Variants in KCNQ2 observed in about 807,000 individuals in gnomAD.
KCNQ2 encodes the protein potassium voltage-gated channel subfamily KQT member 2.
Under a neutral mutation model 84.8 loss-of-function variants are expected in KCNQ2, and 14 were observed. That is an observed-to-expected ratio of 0.17 (90% CI 0.11 to 0.26). The LOEUF (loss-of-function observed/expected upper bound fraction) is 0.26. Among genes scored for constraint, KCNQ2 ranks in the 10% least tolerant of loss-of-function variants. The probability of loss-of-function intolerance (pLI) is 1.00; values close to 1 mark genes in which losing one functional copy is unlikely to be tolerated. For synonymous variants in KCNQ2, 599 were observed against 554.1 expected (o/e 1.08, Z -1.14); for missense variants, 788 against 1,254.0 (o/e 0.63, Z 5.61).
chr20:63,400,821 G>A lies in KCNQ2; in HGVS notation c.*5823C>T. On this transcript the variant is annotated 3_prime_UTR_variant, in exon 17 of 17. Coordinates refer to ENST00000359125, the MANE Select transcript of KCNQ2 (RefSeq NM_172107.4). This position sits in a 1 kb window ranked among gnomAD's most constrained non-coding sequence, Gnocchi z 8.7. ...CCCTCCGTGAGACCCCTCCTGCCCT[G>A]CGCGTGTCTCTGGAGCCCGTCCCTT... The A allele has an allele frequency of 5.0e-6, 2 of 398,336 alleles. No individual in the cohort carries two copies. Among genetic ancestry groups the A allele is most frequent in the East Asian group, 3.6e-5 (1 of 28,086 alleles). The allele number at this position is 398,336 out of a possible 1,614,324, so 24.7% of individuals were successfully genotyped here.
At position 63,460,517 on chromosome 20, in the gene KCNQ2, C is replaced by T. The variant is rs868045468; in HGVS notation, c.296+11651G>A. ...AGCAGGCCAGTGCCCTCAGCTGGTC[C>T]ACGGCTCACAGCTCCAGTCCCTGGC... On this transcript the variant is annotated intron_variant, in intron 1 of 16. Transcript: ENST00000359125. The surrounding 1 kb of genome is among the most constrained non-coding windows in gnomAD (Gnocchi z 5.4). 6.6e-6 allele frequency among the ~76,000 whole-genome samples: 1 copy of T among 151,960 alleles called. No individual in the cohort carries two copies. Among genetic ancestry groups the T allele is most frequent in the African/African-American group, 2.4e-5 (1 of 41,354 alleles).
At chr20:63,454,762 T>A (rs907249900) in intron 1 of KCNQ2, among the ~76,000 whole-genome samples, 2 of 151,990 alleles carry the variant, frequency 1.3e-5, no homozygotes, top group African/African-American at 4.8e-5. Context: ...CCTGATGGCA[T>A]CCCCCAGGCC....
At position 63,409,312 on chromosome 20, in the gene KCNQ2, C is replaced by T. The variant is rs368273722; in HGVS notation, c.1764-776G>A. Among the ~76,000 whole-genome samples, 14 of 152,318 alleles carry T rather than the reference C, an allele frequency of 9.2e-5. No homozygotes were observed. The South Asian group carries it at 2.5e-3, about 27-fold the overall frequency. ...ATGTGTGCAAGAGTGTGCACGTTTG[C>T]GTGTGTGCATGTGTGTGTGTAGGAT... is the stretch of plus-strand genomic sequence containing the variant. On this transcript the variant is annotated intron_variant, in intron 15 of 16. Transcript: ENST00000359125.
At chr20:63,439,300 T>C (rs1350996507) in intron 6 of KCNQ2, among the ~76,000 whole-genome samples, 1 of 152,192 alleles carries the variant, frequency 6.6e-6, no homozygotes, top group African/African-American at 2.4e-5. Context: ...CACAAGGACC[T>C]CCTGCTCAGC....
At chr20:63,437,039 A>G (rs919840150) in intron 7 of KCNQ2, among the ~76,000 whole-genome samples, 6 of 152,208 alleles carry the variant, frequency 3.9e-5, no homozygotes, top group African/African-American at 1.4e-4. Flanking sequence ...TCAGCCTCCT[A>G]AAGTGCTGGG....
At chr20:63,422,082 C>T (rs968685117) in intron 11 of KCNQ2, among the ~76,000 whole-genome samples, 1 of 152,144 alleles carries the variant, frequency 6.6e-6, no homozygotes, top group Non-Finnish European at 1.5e-5. Context: ...GGGGTCCTGC[C>T]ATGCGGGGTG....
rs551075693 is a variant in KCNQ2 at position 63,400,890 on chromosome 20, C to T, written c.*5754G>A. On this transcript the variant is annotated 3_prime_UTR_variant, in exon 17 of 17. Coordinates refer to ENST00000359125, the MANE Select transcript of KCNQ2 (RefSeq NM_172107.4). The surrounding 1 kb of genome is among the most constrained non-coding windows in gnomAD (Gnocchi z 8.7). ...ACCTGTTCGCAGGGTCCAGGGCGTCCGTACCTGGCACAGCCAGGGGGCATG... is the reference window on the plus strand; with the variant it reads ...ACCTGTTCGCAGGGTCCAGGGCGTCTGTACCTGGCACAGCCAGGGGGCATG... 4 of 398,298 alleles carry T rather than the reference C, an allele frequency of 1.0e-5. No individual in the cohort carries two copies. Among genetic ancestry groups the T allele is most frequent in the Admixed American group, 4.4e-5 (1 of 22,740 alleles). The allele number at this position is 398,298 out of a possible 1,614,324, so 24.7% of individuals were successfully genotyped here.
At position 63,401,643 on chromosome 20, in the gene KCNQ2, C is replaced by A; in HGVS notation, c.*5001G>T. 6.4e-6 allele frequency: 1 copy of A among 156,610 alleles called. No homozygotes were observed. The highest frequency in any genetic ancestry group is 1.8e-4 in the South Asian group (1 of 5,506). 9.7% of individuals were successfully genotyped at this position (156,610 alleles called of 1,614,324 possible). Reference sequence around the variant, plus strand: ...CAGGCCTCTTCACGCCACCCCCATGCCCTGGACATACGTGCATGTGACCTG... The same window carrying A: ...CAGGCCTCTTCACGCCACCCCCATGACCTGGACATACGTGCATGTGACCTG... On this transcript the variant is annotated 3_prime_UTR_variant, in exon 17 of 17. Transcript: ENST00000359125.
intron 15 of KCNQ2, chr20:63,411,912 G>C: frequency 1.4e-6 from 1 of 713,026 alleles, no homozygotes; most frequent in South Asian, 1.5e-5. Flanking sequence ...AAGAGACACC[G>C]GCGAAACGCA....
At chr20:63,463,889 G>A (rs1018869201) in intron 1 of KCNQ2, 2 of 151,854 alleles carry the variant, frequency 1.3e-5, no homozygotes, top group African/African-American at 4.8e-5. Context: ...TGCAGGCTGG[G>A]CAGCCTGGAG....
chr20:63,435,616 G>A (rs970616735), intron 7 of KCNQ2, among the ~76,000 whole-genome samples: 4 of 152,214 alleles, frequency 2.6e-5, no homozygotes, highest in Admixed American at 1.3e-4. Flanking sequence ...CAGGGCTCAC[G>A]CCTGCATGGC....
In KCNQ2 at chr20:63,425,183, G is replaced by C. The variant is rs1315067713; in HGVS notation, c.1218-977C>G. On this transcript the variant is annotated intron_variant, in intron 10 of 16. Coordinates refer to ENST00000359125, the MANE Select transcript of KCNQ2 (RefSeq NM_172107.4). This position sits in a 1 kb window ranked among gnomAD's most constrained non-coding sequence, Gnocchi z 5.5. ...CTCAAGCTGTCACCAGGCTCATCAG[G>C]ATGTTCCAGGATGACCTCATCTCAA... Among the ~76,000 whole-genome samples, 1 of 152,170 alleles carries C rather than the reference G, an allele frequency of 6.6e-6. No individual in the cohort carries two copies. Among genetic ancestry groups the C allele is most frequent in the Non-Finnish European group, 1.5e-5 (1 of 68,036 alleles).
At chr20:63,442,343 T>A in intron 5 of KCNQ2, 63 bp downstream of exon 5, 10 of 1,611,696 alleles carry the variant, frequency 6.2e-6, no homozygotes, top group Non-Finnish European at 8.5e-6. Flanking sequence ...GAGAGCCTGG[T>A]CCCAGCACAG....
chr20:63,445,421 A>T, intron 2 of KCNQ2, 57 bp from the exon 3 acceptor site: 1 of 1,599,278 alleles, frequency 6.3e-7, no homozygotes, highest in Non-Finnish European at 8.6e-7. Flanking sequence ...CTGGGGGCCC[A>T]GCCTGGACAC....
intron 15 of KCNQ2, among the ~76,000 whole-genome samples, chr20:63,410,220 T>G (rs930512291): frequency 4.6e-5 from 7 of 152,248 alleles, no homozygotes; most frequent in Middle Eastern, 3.4e-3. Flanking sequence ...TCCAGGCAGA[T>G]GCTCAGCACC....
intron 1 of KCNQ2, among the ~76,000 whole-genome samples, chr20:63,457,112 G>A (rs1251475852): frequency 3.3e-5 from 5 of 152,258 alleles, no homozygotes; most frequent in African/African-American, 1.2e-4. Flanking sequence ...GGGCGCCGCT[G>A]ACAGAGTCCA....
rs573208952 is a variant in KCNQ2, at chr20:63,418,490, T to C, written c.1301+1129A>G. Reference sequence around the variant, plus strand: ...AGCGTGAGGATGAAGGGGCCTCCCGTGGGGGCTGCTCGCAGCAGGACAGGG... The same window carrying C: ...AGCGTGAGGATGAAGGGGCCTCCCGCGGGGGCTGCTCGCAGCAGGACAGGG... On this transcript the variant is annotated intron_variant, in intron 12 of 16. Coordinates refer to ENST00000359125, the MANE Select transcript of KCNQ2 (RefSeq NM_172107.4). Among the ~76,000 whole-genome samples, 13 of 152,194 alleles carry C rather than the reference T, an allele frequency of 8.5e-5. No individual in the cohort carries two copies. In the South Asian group the frequency reaches 2.7e-3, roughly 32 times the overall value.
rs1057520773 is a variant in KCNQ2 at position 63,413,527 on chromosome 20, G to A, written c.1686C>T (p.Tyr562=). Residue 562 remains tyrosine (Y), a synonymous_variant, in exon 15 of 17, where the codon TAC becomes TAT. Coordinates refer to ENST00000359125, the MANE Select transcript of KCNQ2 (RefSeq NM_172107.4). ...ACTGCTCGATGACGTCCATCACGTC[G>A]TAGGGCCGCAGGCTCTCCTTGAACT... The part of the protein sequence containing the change: ...KRKFKESLRP[Y]DVMDVIEQYS... 15 of 1,613,490 alleles carry A rather than the reference G, an allele frequency of 9.3e-6. No individual in the cohort carries two copies. Among genetic ancestry groups the A allele is most frequent in the African/African-American group, 2.7e-5 (2 of 75,062 alleles).
intron 1 of KCNQ2, among the ~76,000 whole-genome samples, chr20:63,451,532 C>G (rs2081615976): frequency 6.6e-6 from 1 of 152,172 alleles, no homozygotes; most frequent in Non-Finnish European, 1.5e-5. Flanking sequence ...CAATAAAAGC[C>G]TGACCCTGTG....
Sources: gnomAD v4.1 joint callset for allele counts (sites outside exome capture counted in the v4.1 genomes callset) on GRCh38, gnomAD v4.1.1 for gene constraint, Gnocchi (gnomAD v3.1) non-coding constraint, MANE v1.5 for transcripts, NCBI Gene and HGNC (gene_info 2026-07-23, HGNC 2026-07-21) for gene names.